SAMTOR: variants seen among roughly 807,000 people sequenced by gnomAD.
SAMTOR encodes the protein UPF0532 protein C7orf60.
the SAMTOR span, among the ~76,000 whole-genome samples, chr7:112,858,174 G>A: frequency 5.9e-5 from 9 of 152,022 alleles, no homozygotes; most frequent in African/African-American, 2.2e-4. Flanking sequence ...TACTATTAGT[G>A]GCAACCTTTT....
the SAMTOR span, among the ~76,000 whole-genome samples, chr7:112,920,840 T>G: frequency 1.1e-3 from 165 of 152,052 alleles, no homozygotes; most frequent in Middle Eastern, 0.02. Context: ...TGAACTCCCA[T>G]TCACAATTGC....
chr7:112,834,645 C>T, the SAMTOR span, among the ~76,000 whole-genome samples: 9 of 152,258 alleles, frequency 5.9e-5, no homozygotes, highest in South Asian at 1.7e-3. Context: ...AAAGTATCCA[C>T]GCTTTTTGCA....
At chr7:112,832,012 CTTTT>C in the SAMTOR span, among the ~76,000 whole-genome samples, 6 of 131,078 alleles carry the variant, frequency 4.6e-5, no homozygotes, top group Non-Finnish European at 6.7e-5. Context: ...ACTGAAGTTT[CTTTT>C]TTTTTTTTTT....
At chr7:112,830,853 G>GAT in the SAMTOR span, among the ~76,000 whole-genome samples, 1 of 151,032 alleles carries the variant, frequency 6.6e-6, no homozygotes, top group Non-Finnish European at 1.5e-5. Flanking sequence ...CACTGTATAA[G>GAT]AGCTACTATG....
chr7:112,934,863 T>C, the SAMTOR span, among the ~76,000 whole-genome samples: 13 of 152,342 alleles, frequency 8.5e-5, no homozygotes, highest in African/African-American at 2.6e-4. Flanking sequence ...AAACGATACC[T>C]TGTCACAAAG....
the SAMTOR span, among the ~76,000 whole-genome samples, chr7:112,830,719 G>A: frequency 6.6e-6 from 1 of 152,138 alleles, no homozygotes; most frequent in Non-Finnish European, 1.5e-5. Context: ...GGACTTGCTT[G>A]TTCCTTGATG....
chr7:112,865,778 ATATT>A, the SAMTOR span, among the ~76,000 whole-genome samples: 1 of 146,466 alleles, frequency 6.8e-6, no homozygotes, highest in Non-Finnish European at 1.5e-5. Flanking sequence ...TATTTCATAT[ATATT>A]CATTCATATA....
the SAMTOR span, among the ~76,000 whole-genome samples, chr7:112,834,953 T>C: frequency 5.3e-5 from 8 of 152,316 alleles, no homozygotes; most frequent in African/African-American, 1.2e-4. Flanking sequence ...ATAAGATACT[T>C]TGAGATACCA....
At chr7:112,878,961 G>C in the SAMTOR span, among the ~76,000 whole-genome samples, 1 of 152,030 alleles carries the variant, frequency 6.6e-6, no homozygotes, top group Non-Finnish European at 1.5e-5. Context: ...ATTTAGAATT[G>C]ATAGTAGGAC....
At chr7:112,915,471 T>C in the SAMTOR span, 1 of 1,557,226 alleles carries the variant, frequency 6.4e-7, no homozygotes, top group Non-Finnish European at 8.7e-7. Flanking sequence ...GATAAATGAA[T>C]TAAGTTTACA....
At chr7:112,863,163 T>A in the SAMTOR span, among the ~76,000 whole-genome samples, 1 of 151,928 alleles carries the variant, frequency 6.6e-6, no homozygotes, top group Admixed American at 6.6e-5. Context: ...TCGACAAAAC[T>A]CAAAGAAACA....
At chr7:112,920,478 C>T in the SAMTOR span, among the ~76,000 whole-genome samples, 29 of 149,472 alleles carry the variant, frequency 1.9e-4, no homozygotes, top group African/African-American at 7.2e-4. Context: ...CTATGACAAA[C>T]CCACAGCCAA....
chr7:112,896,466 T>C, the SAMTOR span, among the ~76,000 whole-genome samples: 6 of 152,218 alleles, frequency 3.9e-5, no homozygotes, highest in Non-Finnish European at 7.3e-5. Context: ...ACTATGCCCA[T>C]TTCTCCTTCA....
At chr7:112,839,835 T>G in the SAMTOR span, among the ~76,000 whole-genome samples, 1 of 151,838 alleles carries the variant, frequency 6.6e-6, no homozygotes, top group Non-Finnish European at 1.5e-5. Context: ...AATTAAAAAT[T>G]GTTATATTTT....
the SAMTOR span, among the ~76,000 whole-genome samples, chr7:112,933,110 G>A: frequency 6.6e-5 from 10 of 152,124 alleles, no homozygotes; most frequent in Non-Finnish European, 1.2e-4. Context: ...GAATAGCTAC[G>A]GTTAACATCT....
the SAMTOR span, among the ~76,000 whole-genome samples, chr7:112,872,082 C>A: frequency 2.2e-4 from 34 of 152,132 alleles, no homozygotes; most frequent in Admixed American, 2.2e-3. Context: ...GAACTATCCC[C>A]CCAAAAAAAT....
chr7:112,920,873 G>A, the SAMTOR span, among the ~76,000 whole-genome samples: 3 of 151,938 alleles, frequency 2.0e-5, no homozygotes, highest in Non-Finnish European at 4.4e-5. Flanking sequence ...AAAATACCTA[G>A]GAATCCAACT....
the SAMTOR span, among the ~76,000 whole-genome samples, chr7:112,883,559 T>C: frequency 1.3e-5 from 2 of 152,220 alleles, no homozygotes; most frequent in Non-Finnish European, 2.9e-5. Context: ...GCAAGGGTAA[T>C]GGACATAAAT....
At chr7:112,865,426 C>A in the SAMTOR span, among the ~76,000 whole-genome samples, 8 of 152,064 alleles carry the variant, frequency 5.3e-5, no homozygotes, top group African/African-American at 1.4e-4. Context: ...TACAGGCACA[C>A]GCCACCATAC....
Sources: allele counts gnomAD v4.1 joint callset (sites outside exome capture counted in the v4.1 genomes callset), GRCh38; gene constraint gnomAD v4.1.1; transcripts MANE v1.5; gene names NCBI Gene and HGNC (gene_info 2026-07-23, HGNC 2026-07-21).